Variants in RAB36 observed in about 807,000 individuals in gnomAD.
RAB36 encodes ras-related protein Rab-36.
In RAB36, 33 loss-of-function variants were observed where a neutral mutation model predicts 39.3. The observed-to-expected ratio is 0.84, with a 90% CI of 0.64 to 1.12. The LOEUF is 1.12. Among genes scored for constraint, RAB36 ranks in the 50% most tolerant of loss-of-function variants. The pLI, the probability that RAB36 is intolerant of heterozygous loss-of-function variation, is 0.00. For missense variants in RAB36, 308 were observed against 355.3 expected (o/e 0.87, Z 1.07); for synonymous variants, 133 against 140.2 (o/e 0.95, Z 0.36).
rs2071917184 is a variant in RAB36 at position 23,163,360 on chromosome 22, G to C, written c.*1796G>C. Reference sequence around the variant, plus strand: ...TTCTCCTGCCTCAGCCTCCCGAGTAGCTGGGACTACAGGCACGTGTGACCA... The same window carrying C: ...TTCTCCTGCCTCAGCCTCCCGAGTACCTGGGACTACAGGCACGTGTGACCA... On this transcript the variant is annotated 3_prime_UTR_variant, in exon 11 of 11. Coordinates refer to ENST00000263116, the MANE Select transcript of RAB36 (RefSeq NM_004914.5). The C allele has an allele frequency of 6.6e-6, 1 of 152,664 alleles. No individual in the cohort carries two copies. Among genetic ancestry groups the C allele is most frequent in the African/African-American group, 2.4e-5 (1 of 41,402 alleles). The allele number at this position is 152,664 out of a possible 1,614,324, so 9.5% of individuals were successfully genotyped here. A position where few individuals can be genotyped will look rare whatever the true frequency, so the allele number is the denominator to read the frequency against.
At chr22:23,146,792 G>A (rs2070803854) in intron 2 of RAB36, 107 bp downstream of exon 2, 1 of 1,464,060 alleles carries the variant, frequency 6.8e-7, no homozygotes, top group Non-Finnish European at 9.1e-7. Flanking sequence ...AAGGAGGTCT[G>A]TCCATTGTCA....
chr22:23,161,130 T>A, intron 10 of RAB36, 132 bp downstream of exon 10: 1 of 1,166,802 alleles, frequency 8.6e-7, no homozygotes, highest in Non-Finnish European at 1.2e-6. Context: ...GACCCTCCTC[T>A]CAGGGTGTCA....
rs1461063088 is a variant in RAB36, at chr22:23,163,843, G to A, written c.*2279G>A. ...ACTGCCTGGCAGCCTGCCTTCCTAG[G>A]GAGCTGGCGCCAAGGCCTCTCCCTG... On this transcript the variant is annotated 3_prime_UTR_variant, in exon 11 of 11. Coordinates refer to ENST00000263116, the MANE Select transcript of RAB36 (RefSeq NM_004914.5). 1 of 152,188 alleles carries A rather than the reference G, an allele frequency of 6.6e-6. No homozygotes were observed. The highest frequency in any genetic ancestry group is 1.5e-5 in the Non-Finnish European group (1 of 68,042). 9.4% of individuals were successfully genotyped at this position (152,188 alleles called of 1,614,324 possible). A position where few individuals can be genotyped will look rare whatever the true frequency, so the allele number is the denominator to read the frequency against.
chr22:23,167,555 CT>C (rs2072072035), downstream of RAB36, among the ~76,000 whole-genome samples: 1 of 152,188 alleles, frequency 6.6e-6, no homozygotes, highest in African/African-American at 2.4e-5. Flanking sequence ...GGATGGACCA[CT>C]GTCAGACAAA....
Position 23,146,658 on chromosome 22 carries a change from C to T in RAB36, c.42C>T (p.Arg14=), listed in dbSNP as rs775905144. 6.8e-6 allele frequency: 11 copies of T among 1,613,940 alleles called. No individual in the cohort carries two copies. Among genetic ancestry groups the T allele is most frequent in the Admixed American group, 5.0e-5 (3 of 59,998 alleles). ...SLTPLGPPVS[R]DRVIASFPKW... ...CACCTTTGGGGCCCCCTGTGAGCCG[C>T]GACCGTGTCATCGCCAGCTTCCCTA... The change falls in exon 2 of 11, where the codon CGC becomes CGT. Residue 14 remains arginine, a synonymous_variant. Coordinates refer to ENST00000263116, the MANE Select transcript of RAB36 (RefSeq NM_004914.5).
chr22:23,147,262 A>T (rs1037686636), intron 2 of RAB36, among the ~76,000 whole-genome samples: 1 of 152,210 alleles, frequency 6.6e-6, no homozygotes, highest in East Asian at 1.9e-4. Flanking sequence ...TACAACCTCC[A>T]TAGGGGGCAG....
rs2146527266 is a variant in RAB36, at chr22:23,152,574, T to C, written c.227+48T>C. The C allele has an allele frequency of 6.4e-6, 10 of 1,566,388 alleles. No individual in the cohort carries two copies. The Middle Eastern group carries it at 6.7e-4, about 105-fold the overall frequency. On this transcript the variant is annotated intron_variant, in intron 4 of 10. Coordinates refer to ENST00000263116, the MANE Select transcript of RAB36 (RefSeq NM_004914.5). ...TTGGCCACCTCCCCCAGCACCAGGTTGTCATACCTTTGCCTGGGTGGCCCA... is the reference window on the plus strand; with the variant it reads ...TTGGCCACCTCCCCCAGCACCAGGTCGTCATACCTTTGCCTGGGTGGCCCA...
At chr22:23,156,421 G>C (rs557649050) in intron 6 of RAB36, 37 of 172,668 alleles carry the variant, frequency 2.1e-4, no homozygotes, top group South Asian at 8.6e-4. Context: ...GGAGTGAAAG[G>C]GGGACCACGG....
At chr22:23,155,167 G>A (rs952473896) in intron 5 of RAB36, among the ~76,000 whole-genome samples, 1 of 152,138 alleles carries the variant, frequency 6.6e-6, no homozygotes, top group Non-Finnish European at 1.5e-5. Flanking sequence ...TCTTGTTTGT[G>A]ACTTGTCTAC....
At chr22:23,168,626 GA>G (rs2072089650), downstream of RAB36, among the ~76,000 whole-genome samples, 1 of 152,196 alleles carries the variant, frequency 6.6e-6, no homozygotes. Flanking sequence ...GCCTTCCCCT[GA>G]AGGAAACTGA....
At chr22:23,149,383 T>G (rs991988328) in intron 2 of RAB36, among the ~76,000 whole-genome samples, 3 of 152,052 alleles carry the variant, frequency 2.0e-5, no homozygotes, top group African/African-American at 7.2e-5. Flanking sequence ...TGAGGGTGGG[T>G]GGGGTACGTG....
chr22:23,159,025 C>T (rs1315502976), intron 8 of RAB36, 46 bp downstream of exon 8: 1 of 1,597,552 alleles, frequency 6.3e-7, no homozygotes, highest in Non-Finnish European at 8.6e-7. Flanking sequence ...TGGGAAAATG[C>T]CTCCCCTTAC....
At chr22:23,146,468 T>C in intron 1 of RAB36, 137 bp from the exon 2 acceptor site, 1 of 1,361,530 alleles carries the variant, frequency 7.3e-7, no homozygotes, top group Non-Finnish European at 9.6e-7. Flanking sequence ...CACCTTGGCC[T>C]CCCAAAGTGC....
chr22:23,153,426 C>T, intron 5 of RAB36: 1 of 327,212 alleles, frequency 3.1e-6, no homozygotes. Flanking sequence ...GGCCCTGGCT[C>T]CAGTCCCTCC....
At chr22:23,156,140 T>TGTGAGAAAA in intron 6 of RAB36, 108 bp downstream of exon 6, 1 of 955,892 alleles carries the variant, frequency 1.0e-6, no homozygotes. Flanking sequence ...TTTTTTGTCC[T>TGTGAGAAAA]CCAAGACCCA....
chr22:23,157,093 G>T (rs573533674), intron 6 of RAB36, among the ~76,000 whole-genome samples: 1 of 152,166 alleles, frequency 6.6e-6, no homozygotes, highest in African/African-American at 2.4e-5. Flanking sequence ...CAACAGGACC[G>T]GGGTGCGGCC....
At position 23,146,733 on chromosome 22, in the gene RAB36, T is replaced by C. The variant is rs764625476; in HGVS notation, c.69+48T>C. The C allele has an allele frequency of 3.1e-6, 5 of 1,603,970 alleles. No homozygotes were observed. The South Asian group carries it at 5.5e-5, about 18-fold the overall frequency. ...GTGCTCTCCTGGCCCTGCAGCCACA[T>C]CAGCTCTCCCCACTCTACACTCATG... is the stretch of plus-strand genomic sequence containing the variant. On this transcript the variant is annotated intron_variant, in intron 2 of 10. Coordinates refer to ENST00000263116, the MANE Select transcript of RAB36 (RefSeq NM_004914.5).
At chr22:23,151,889 G>C (rs948892698) in intron 3 of RAB36, among the ~76,000 whole-genome samples, 1 of 152,200 alleles carries the variant, frequency 6.6e-6, no homozygotes, top group East Asian at 1.9e-4. Context: ...GCCCTGTTCG[G>C]GGTGTGCCCC....
Position 23,145,559 on chromosome 22 carries a change from A to T in RAB36, c.-13+8A>T. On this transcript the variant is annotated splice_region_variant and intron_variant, in intron 1 of 10. Transcript: ENST00000263116. The stretch of plus-strand genomic sequence containing the variant: ...CTTTCACAGCCATCGCTGGTGAGTC[A>T]GCTCGCCCACTCTGTCCGACCCTCC... 1.3e-6 allele frequency: 2 copies of T among 1,598,266 alleles called. No individual in the cohort carries two copies. Among genetic ancestry groups the T allele is most frequent in the Non-Finnish European group, 8.5e-7 (1 of 1,178,150 alleles).
Sources: gnomAD v4.1 joint callset for allele counts (sites outside exome capture counted in the v4.1 genomes callset) on GRCh38, gnomAD v4.1.1 for gene constraint, MANE v1.5 for transcripts, NCBI Gene and HGNC (gene_info 2026-07-23, HGNC 2026-07-21) for gene names.